DENND4C: variants seen among roughly 807,000 people sequenced by gnomAD.
DENND4C encodes the protein DENN domain containing 4C.
A neutral mutation model predicts 203.0 loss-of-function variants in DENND4C; 108 were observed. The observed-to-expected ratio is 0.53, with a 90% CI of 0.46 to 0.62. The LOEUF is 0.62. Among genes scored for constraint, DENND4C ranks in the 20% least tolerant of loss-of-function variants. The probability of loss-of-function intolerance (pLI) is 0.00; values close to 1 mark genes in which losing one functional copy is unlikely to be tolerated. For synonymous variants in DENND4C, 871 were observed against 792.4 expected (o/e 1.10, Z -1.67); for missense variants, 2,481 against 2,301.2 (o/e 1.08, Z -1.60).
chr9:19,272,005 T>C (rs113895584), intron 1 of DENND4C, among the ~76,000 whole-genome samples: 4,235 of 152,032 alleles, frequency 0.028, 187 homozygotes, highest in African/African-American at 0.094. Context: ...CATAGATCAA[T>C]GGAACAGAAT....
chr9:19,239,347 G>A (rs1393173903), intron 1 of DENND4C, among the ~76,000 whole-genome samples: 1 of 151,904 alleles, frequency 6.6e-6, no homozygotes, highest in Non-Finnish European at 1.5e-5. Context: ...TTTTTGATCA[G>A]GGGTTATTTA....
chr9:19,305,174 A>G (rs1432338727), intron 9 of DENND4C, among the ~76,000 whole-genome samples, 178 bp from the exon 10 acceptor site: 1 of 152,010 alleles, frequency 6.6e-6, no homozygotes, highest in African/African-American at 2.4e-5. Context: ...TTTTAATTAC[A>G]TTTGTTCTTA....
At chr9:19,241,722 G>C (rs534272810) in intron 1 of DENND4C, among the ~76,000 whole-genome samples, 75 of 152,012 alleles carry the variant, frequency 4.9e-4, no homozygotes, top group African/African-American at 1.6e-3. Flanking sequence ...TTTTTAGGTA[G>C]CTTTTAAAAA....
chr9:19,323,265 A>G (rs1346608577), intron 12 of DENND4C, among the ~76,000 whole-genome samples: 1 of 152,118 alleles, frequency 6.6e-6, no homozygotes, highest in African/African-American at 2.4e-5. Flanking sequence ...AACCGTCTCT[A>G]CTAAAAATAC....
chr9:19,317,020 T>G (rs2131563356), intron 12 of DENND4C, among the ~76,000 whole-genome samples, 181 bp downstream of exon 12: 1 of 152,208 alleles, frequency 6.6e-6, no homozygotes, highest in African/African-American at 2.4e-5. Flanking sequence ...TATAGCCCAT[T>G]TTTCTCCTGA....
chr9:19,314,186 GGC>G (rs1026093827), intron 10 of DENND4C, among the ~76,000 whole-genome samples: 1 of 152,182 alleles, frequency 6.6e-6, no homozygotes, highest in Non-Finnish European at 1.5e-5. Context: ...CAGGCGCAGT[GGC>G]TCATGCCTGT....
At chr9:19,362,133 G>C (rs1440238314) in intron 30 of DENND4C, among the ~76,000 whole-genome samples, 170 bp downstream of exon 30, 1 of 152,100 alleles carries the variant, frequency 6.6e-6, no homozygotes, top group African/African-American at 2.4e-5. Context: ...ACTTAGCCAG[G>C]TGTGGTAGCA....
At chr9:19,286,181 A>G (rs1469634236) in intron 2 of DENND4C, among the ~76,000 whole-genome samples, 1 of 152,134 alleles carries the variant, frequency 6.6e-6, no homozygotes, top group East Asian at 1.9e-4. Flanking sequence ...AATTTTCATT[A>G]ATTCATTTTT....
intron 10 of DENND4C, among the ~76,000 whole-genome samples, chr9:19,314,647 G>A (rs7854374): frequency 0.27 from 40,982 of 150,894 alleles, 5,783 homozygotes; most frequent in East Asian, 0.44. Context: ...GACTTGCTTA[G>A]AAAAAAAAAC....
intron 23 of DENND4C, among the ~76,000 whole-genome samples, chr9:19,349,802 T>TGTC (rs1190436704): frequency 6.6e-5 from 10 of 152,134 alleles, no homozygotes; most frequent in Non-Finnish European, 1.2e-4. Flanking sequence ...GTTTAAATAA[T>TGTC]TAGAAGAAAA....
intron 1 of DENND4C, among the ~76,000 whole-genome samples, chr9:19,254,309 AC>A (rs1827385058): frequency 6.6e-6 from 1 of 152,252 alleles, no homozygotes; most frequent in African/African-American, 2.4e-5. Flanking sequence ...AGCATTATTC[AC>A]AATAGCTGAG....
rs1460857586 is a variant in DENND4C, at chr9:19,341,128, A to G, written c.3004+14A>G. On this transcript the variant is annotated intron_variant, in intron 21 of 32. Transcript: ENST00000434457. The stretch of plus-strand genomic sequence containing the variant: ...TGCAAACAGAAGGTTAAGTACTGAT[A>G]TTTACGAACTTTACTTAGAATAATA... The G allele has an allele frequency of 1.9e-6, 3 of 1,590,812 alleles. No homozygotes were observed. Among genetic ancestry groups the G allele is most frequent in the Non-Finnish European group, 2.6e-6 (3 of 1,170,054 alleles).
chr9:19,324,529 A>C (rs1843399136), intron 13 of DENND4C, 22 bp downstream of exon 13: 1 of 1,588,416 alleles, frequency 6.3e-7, no homozygotes. Flanking sequence ...TACTTATACT[A>C]GTGTTTAGAA....
intron 20 of DENND4C, among the ~76,000 whole-genome samples, chr9:19,340,702 C>T (rs531321844): frequency 6.6e-6 from 1 of 152,188 alleles, no homozygotes; most frequent in Non-Finnish European, 1.5e-5. Flanking sequence ...ATTCTGTAGA[C>T]ACGGTCTCCA....
intron 6 of DENND4C, among the ~76,000 whole-genome samples, chr9:19,297,618 TAAG>T (rs1443112948): frequency 1.3e-5 from 2 of 152,156 alleles, no homozygotes; most frequent in African/African-American, 2.4e-5. Flanking sequence ...TGGAGAAACT[TAAG>T]AAGCAATTTT....
At chr9:19,349,837 TAAG>T (rs764155309) in intron 23 of DENND4C, among the ~76,000 whole-genome samples, 24 of 152,312 alleles carry the variant, frequency 1.6e-4, no homozygotes, top group Middle Eastern at 3.4e-3. Context: ...AATAATTACA[TAAG>T]AAGTACAGGT....
At position 19,320,283 on chromosome 9, in the gene DENND4C, C is replaced by T. The variant is rs150958248; in HGVS notation, c.1807+3444C>T. On this transcript the variant is annotated intron_variant, in intron 12 of 32. Transcript: ENST00000434457. Reference sequence around the variant, plus strand: ...GTGCAGTCTTGGCTCACTGCAACCTCTGCCTCCCAGGCTCAAGTGATTCTC... The same window carrying T: ...GTGCAGTCTTGGCTCACTGCAACCTTTGCCTCCCAGGCTCAAGTGATTCTC... Among the ~76,000 whole-genome samples the T allele has an allele frequency of 4.0e-3, 610 of 152,006 alleles. 3 individuals carry two copies. The highest frequency in any genetic ancestry group is 0.014 in the African/African-American group (588 of 41,448).
At chr9:19,247,953 C>T (rs557666231) in intron 1 of DENND4C, among the ~76,000 whole-genome samples, 1 of 152,296 alleles carries the variant, frequency 6.6e-6, no homozygotes, top group Admixed American at 6.5e-5. Flanking sequence ...TTTCTTGCTG[C>T]TCCCACTCCT....
intron 1 of DENND4C, among the ~76,000 whole-genome samples, chr9:19,272,247 C>G (rs1183073632): frequency 6.6e-6 from 1 of 151,750 alleles, no homozygotes; most frequent in African/African-American, 2.4e-5. Context: ...TGGGGAAAGC[C>G]TGGTCTCTAC....
Sources: allele counts gnomAD v4.1 joint callset (sites outside exome capture counted in the v4.1 genomes callset), GRCh38; gene constraint gnomAD v4.1.1; transcripts MANE v1.5; gene names NCBI Gene and HGNC (gene_info 2026-07-23, HGNC 2026-07-21).